Variants in KPNB1 observed in about 807,000 individuals in gnomAD.
The protein encoded by KPNB1 is importin subunit beta-1.
KPNB1 carries 7 observed loss-of-function variants against 113.0 expected under a neutral mutation model. That is an observed-to-expected ratio of 0.06 (90% CI 0.04 to 0.12). KPNB1 has a LOEUF of 0.12. Among genes scored for constraint, KPNB1 ranks in the 10% least tolerant of loss-of-function variants. The pLI, the probability that KPNB1 is intolerant of heterozygous loss-of-function variation, is 1.00. For synonymous variants in KPNB1, 363 were observed against 378.6 expected, an observed-to-expected ratio of 0.96 and a Z score of 0.48; for missense variants, 400 against 1,054.8, an observed-to-expected ratio of 0.38 and a Z score of 8.60.
intron 15 of KPNB1, 25 bp downstream of exon 15, chr17:47,674,807 A>G (rs1203351883): frequency 6.3e-7 from 1 of 1,593,988 alleles, no homozygotes; most frequent in Non-Finnish European, 8.5e-7. Context: ...CTGTCTGGTC[A>G]GGGAATGTCT....
At chr17:47,670,286 TAAGG>T (rs1231813193) in intron 11 of KPNB1, 39 of 214,784 alleles carry the variant, frequency 1.8e-4, no homozygotes, top group Non-Finnish European at 6.7e-5. Context: ...GAAGTTCAAA[TAAGG>T]AAGGAATGGG....
At chr17:47,650,466 C>T (rs764544476) in intron 2 of KPNB1, 22 bp downstream of exon 2, 46 of 1,592,424 alleles carry the variant, frequency 2.9e-5, no homozygotes, top group Middle Eastern at 3.7e-4. Context: ...CCCGCCGCGC[C>T]CATCCCGCCG....
chr17:47,680,706 TC>T (rs1440494333), intron 21 of KPNB1, 37 bp downstream of exon 21: 1 of 1,591,722 alleles, frequency 6.3e-7, no homozygotes, highest in Admixed American at 1.7e-5. Context: ...TTCTTCTACT[TC>T]CTGGAGGAGG....
At chr17:47,650,481 C>T in intron 2 of KPNB1, 37 bp downstream of exon 2, 1 of 1,581,654 alleles carries the variant, frequency 6.3e-7, no homozygotes, top group Non-Finnish European at 8.6e-7. Context: ...CCGCCGCGTC[C>T]CCATCCCCTG....
At chr17:47,656,139 A>T (rs950314230) in intron 3 of KPNB1, among the ~76,000 whole-genome samples, 6 of 152,162 alleles carry the variant, frequency 3.9e-5, no homozygotes. Flanking sequence ...CTGTAATCCC[A>T]GCTACTTGCT....
chr17:47,651,376 G>A, intron 2 of KPNB1: 15 of 984,380 alleles, frequency 1.5e-5, no homozygotes, highest in Non-Finnish European at 1.8e-5. Flanking sequence ...CTTTGAGAAA[G>A]GTAATAGGAA....
chr17:47,663,469 G>C (rs940415717), intron 7 of KPNB1, among the ~76,000 whole-genome samples: 8 of 152,048 alleles, frequency 5.3e-5, no homozygotes, highest in African/African-American at 1.9e-4. Flanking sequence ...TTCGAGACCA[G>C]CCTGGCCAAT....
intron 20 of KPNB1, 38 bp from the exon 21 acceptor site, chr17:47,680,470 G>T: frequency 6.2e-7 from 1 of 1,610,914 alleles, no homozygotes; most frequent in Non-Finnish European, 8.5e-7. Flanking sequence ...CTGGTATGGG[G>T]CTAGGAGCTC....
At chr17:47,664,838 G>T (rs1308956275) in intron 8 of KPNB1, among the ~76,000 whole-genome samples, 1 of 152,128 alleles carries the variant, frequency 6.6e-6, no homozygotes, top group Non-Finnish European at 1.5e-5. Context: ...TGAAAAAAAA[G>T]TTATACTTAA....
Position 47,657,012 on chromosome 17 carries a change from C to G in KPNB1, c.435C>G (p.His145Gln). 2 of 1,614,128 alleles carry G rather than the reference C, an allele frequency of 1.2e-6. No individual in the cohort carries two copies. The highest frequency in any genetic ancestry group is 1.7e-6 in the Non-Finnish European group (2 of 1,180,024). ...TCACAAACCCCAACAGCACAGAGCACATGAAGGAGTCGACATTGGAAGCCA... is the reference window on the plus strand; with the variant it reads ...TCACAAACCCCAACAGCACAGAGCAGATGAAGGAGTCGACATTGGAAGCCA... ...ANVTNPNSTE[H>Q]MKESTLEAIG... The change falls in exon 4 of 22, where the codon CAC becomes CAG. Residue 145 changes from histidine to glutamine, a missense_variant. Physicochemically the swap from His to Gln is conservative, Grantham distance 24. Around this residue, in one of 2 missense-constraint regions of KPNB1, gnomAD observed 285 missense variants for 627.0 expected, o/e 0.45. Transcript: ENST00000290158.
chr17:47,663,058 A>G (rs780464323), intron 6 of KPNB1, 31 bp from the exon 7 acceptor site: 20 of 1,177,918 alleles, frequency 1.7e-5, no homozygotes, highest in Non-Finnish European at 2.2e-5. Context: ...TTGTTATTTT[A>G]GTAAACTATC....
At chr17:47,660,491 G>A (rs2030061137) in intron 5 of KPNB1, among the ~76,000 whole-genome samples, 1 of 152,192 alleles carries the variant, frequency 6.6e-6, no homozygotes, top group South Asian at 2.1e-4. Flanking sequence ...AATTGCCAGG[G>A]TCATGGTCTG....
intron 12 of KPNB1, chr17:47,671,635 C>G (rs1393932965): frequency 6.6e-6 from 1 of 151,944 alleles, no homozygotes; most frequent in South Asian, 2.1e-4. Context: ...TCAAGCGATT[C>G]TCCTGCCTCA....
At chr17:47,672,909 G>A (rs1400344336) in intron 12 of KPNB1, 109 bp from the exon 13 acceptor site, 6 of 979,232 alleles carry the variant, frequency 6.1e-6, no homozygotes, top group Non-Finnish European at 8.9e-6. Flanking sequence ...CTCAAACCAG[G>A]TCTGCAGACA....
chr17:47,653,615 ATC>A (rs1476738141), intron 3 of KPNB1, among the ~76,000 whole-genome samples: 1 of 152,222 alleles, frequency 6.6e-6, no homozygotes, highest in Non-Finnish European at 1.5e-5. Flanking sequence ...TGAGTTAAAT[ATC>A]TGTGCAGTCA....
intron 3 of KPNB1, 24 bp from the exon 4 acceptor site, chr17:47,656,836 C>G (rs1014052244): frequency 6.4e-7 from 1 of 1,569,408 alleles, no homozygotes; most frequent in African/African-American, 1.5e-5. Flanking sequence ...AAATTTGTAT[C>G]TTTTGTCTTT....
At chr17:47,672,516 G>A (rs903818620) in intron 12 of KPNB1, among the ~76,000 whole-genome samples, 2 of 151,644 alleles carry the variant, frequency 1.3e-5, no homozygotes, top group African/African-American at 4.9e-5. Flanking sequence ...TCAGCCTCCT[G>A]AGTAGCTAGG....
rs1157291179 is a variant in KPNB1, at chr17:47,683,090, TAAAAAAAAAAAAA to T, written c.*703_*715del. 17 of 17,256 alleles carry T rather than the reference TAAAAAAAAAAAAA, an allele frequency of 9.9e-4. 1 individual carries two copies. The highest frequency in any genetic ancestry group is 6.7e-3 in the South Asian group (2 of 298). 1.1% of individuals were successfully genotyped at this position (17,256 alleles called of 1,614,324 possible). A position where few individuals can be genotyped will look rare whatever the true frequency, so the allele number is the denominator to read the frequency against. ...GTTTACTGATGCAGCACAAGAGATG[TAAAAAAAAAAAAA>T]AAAAAAAAAAAAAAAACACACACAC... On this transcript the variant is annotated 3_prime_UTR_variant, in exon 22 of 22. Coordinates refer to ENST00000290158, the MANE Select transcript of KPNB1 (RefSeq NM_002265.6).
At chr17:47,670,018 C>G (rs374991516) in intron 11 of KPNB1, 149 bp downstream of exon 11, 2 of 634,458 alleles carry the variant, frequency 3.2e-6, no homozygotes. Flanking sequence ...GGGGGAGATT[C>G]CAACTGCAAG....
Sources: gnomAD v4.1 joint callset for allele counts (sites outside exome capture counted in the v4.1 genomes callset) on GRCh38, gnomAD v4.1.1 for gene constraint, gnomAD v4.1.1 regional missense constraint, MANE v1.5 for transcripts, NCBI Gene and HGNC (gene_info 2026-07-23, HGNC 2026-07-21) for gene names.